ARID1B: variants seen among roughly 807,000 people sequenced by gnomAD.
ARID1B encodes AT-rich interactive domain-containing protein 1B.
A neutral mutation model predicts 212.3 loss-of-function variants in ARID1B; 30 were observed. That is an observed-to-expected ratio of 0.14 (90% CI 0.11 to 0.19). The LOEUF (loss-of-function observed/expected upper bound fraction) is 0.19, where lower values mean the gene tolerates loss of function less well. ARID1B is among the 10% of genes least tolerant of loss of function. The pLI is 1.00. For missense variants in ARID1B, 2,891 were observed against 3,204.0 expected (o/e 0.90, Z 2.36); for synonymous variants, 1,402 against 1,301.7 (o/e 1.08, Z -1.66).
At chr6:156,852,336 A>G (rs1562435211) in intron 2 of ARID1B, among the ~76,000 whole-genome samples, 1 of 152,012 alleles carries the variant, frequency 6.6e-6, no homozygotes, top group Non-Finnish European at 1.5e-5. Flanking sequence ...TGTAGTCTCA[A>G]GCTTGAGCGG....
chr6:156,873,576 G>A (rs530951929), intron 2 of ARID1B, among the ~76,000 whole-genome samples: 2 of 152,332 alleles, frequency 1.3e-5, no homozygotes, highest in African/African-American at 2.4e-5. Context: ...AATGATCTGC[G>A]TTGATGCAGT....
chr6:156,845,445 G>A (rs1158681192), intron 2 of ARID1B, among the ~76,000 whole-genome samples: 1 of 152,122 alleles, frequency 6.6e-6, no homozygotes, highest in African/African-American at 2.4e-5. Flanking sequence ...TGTAGGAAGG[G>A]TGCAGGAGAT....
chr6:157,056,773 T>C (rs1782979995), intron 4 of ARID1B, among the ~76,000 whole-genome samples: 1 of 152,196 alleles, frequency 6.6e-6, no homozygotes, highest in African/African-American at 2.4e-5. Context: ...TTTTGGAGCA[T>C]ATAAGGAGAA....
At chr6:156,829,180 G>A (rs749345746) in intron 1 of ARID1B, 47 bp from the exon 2 acceptor site, 1 of 1,513,832 alleles carries the variant, frequency 6.6e-7, no homozygotes, top group Non-Finnish European at 9.0e-7. Flanking sequence ...TTGTGCCTTT[G>A]TAATAAAGAA....
At chr6:156,972,730 C>CT (rs1470485376) in intron 4 of ARID1B, among the ~76,000 whole-genome samples, 1 of 152,156 alleles carries the variant, frequency 6.6e-6, no homozygotes, top group African/African-American at 2.4e-5. Context: ...CCAGAGAGAC[C>CT]TGCAGGACTT....
chr6:157,156,300 A>AT (rs1373224573), intron 8 of ARID1B, among the ~76,000 whole-genome samples: 1 of 152,180 alleles, frequency 6.6e-6, no homozygotes, highest in Non-Finnish European at 1.5e-5. Context: ...CCTTAAACAG[A>AT]TTTTTTATTT....
At chr6:157,067,114 A>G (rs557658536) in intron 4 of ARID1B, among the ~76,000 whole-genome samples, 56 of 152,348 alleles carry the variant, frequency 3.7e-4, no homozygotes, top group Middle Eastern at 3.4e-3. Context: ...TGCCAAGCAG[A>G]TTCCAAGACT....
At chr6:157,173,236 A>G (rs997481782) in intron 9 of ARID1B, 1 of 152,240 alleles carries the variant, frequency 6.6e-6, no homozygotes, top group Non-Finnish European at 1.5e-5. Context: ...CAGTTGTTCT[A>G]TGGTGAACCT....
intron 7 of ARID1B, among the ~76,000 whole-genome samples, chr6:157,134,903 T>C (rs1788810835): frequency 6.6e-6 from 1 of 152,164 alleles, no homozygotes; most frequent in Non-Finnish European, 1.5e-5. Flanking sequence ...CTTAAGTCCA[T>C]AAGCCCTTCC....
chr6:156,969,136 A>T (rs1239256202), intron 4 of ARID1B, among the ~76,000 whole-genome samples: 7 of 152,194 alleles, frequency 4.6e-5, no homozygotes, highest in African/African-American at 1.4e-4. Context: ...AAACAATGTG[A>T]CCTTGCAATG....
intron 4 of ARID1B, among the ~76,000 whole-genome samples, chr6:156,980,347 G>T (rs1777527879): frequency 6.6e-6 from 1 of 152,058 alleles, no homozygotes; most frequent in Non-Finnish European, 1.5e-5. Context: ...GCCGGGCGTG[G>T]TGGTGGGCGC....
intron 2 of ARID1B, among the ~76,000 whole-genome samples, chr6:156,885,165 C>G (rs1787407429): frequency 6.6e-6 from 1 of 152,048 alleles, no homozygotes; most frequent in Non-Finnish European, 1.5e-5. Flanking sequence ...AATATTTTAG[C>G]CCAGTTATCC....
In ARID1B at chr6:157,208,990, T is replaced by C. The variant is rs1794650440; in HGVS notation, c.*1099T>C. 4.3e-6 allele frequency: 1 copy of C among 230,240 alleles called. No homozygotes were observed. The highest frequency in any genetic ancestry group is 8.6e-6 in the Non-Finnish European group (1 of 116,366). The allele number at this position is 230,240 out of a possible 1,614,324, so 14.3% of individuals were successfully genotyped here. Reference sequence around the variant, plus strand: ...GAATCAAGGTGTGGAAATGGTTATATATGGATTGATTTAGAAAATGGTTAC... The same window carrying C: ...GAATCAAGGTGTGGAAATGGTTATACATGGATTGATTTAGAAAATGGTTAC... On this transcript the variant is annotated 3_prime_UTR_variant, in exon 20 of 20. Coordinates refer to ENST00000636930, the MANE Select transcript of ARID1B (RefSeq NM_001374828.1).
intron 4 of ARID1B, chr6:156,977,198 C>T: frequency 5.4e-6 from 1 of 183,702 alleles, no homozygotes; most frequent in Non-Finnish European, 1.1e-5. Flanking sequence ...GTTTTATTGA[C>T]TTTCATATCT....
intron 4 of ARID1B, among the ~76,000 whole-genome samples, chr6:156,998,685 G>A (rs989780200): frequency 2.0e-5 from 3 of 152,172 alleles, no homozygotes; most frequent in African/African-American, 4.8e-5. Flanking sequence ...GTTGTTGAGC[G>A]GGGAGCTGCG....
At chr6:156,881,093 C>A (rs374146608) in intron 2 of ARID1B, among the ~76,000 whole-genome samples, 1 of 152,244 alleles carries the variant, frequency 6.6e-6, no homozygotes, top group Non-Finnish European at 1.5e-5. Flanking sequence ...GCAGGAGTTT[C>A]GAGAGAGCCC....
intron 9 of ARID1B, chr6:157,169,631 G>A (rs1038201514): frequency 4.6e-5 from 7 of 152,296 alleles, no homozygotes; most frequent in African/African-American, 1.7e-4. Flanking sequence ...CAATACATGT[G>A]TGATTGGTTA....
intron 2 of ARID1B, among the ~76,000 whole-genome samples, chr6:156,860,552 A>C (rs1785257047): frequency 6.6e-6 from 1 of 152,140 alleles, no homozygotes; most frequent in Non-Finnish European, 1.5e-5. Context: ...TAGAACTGTA[A>C]ATTTTGATCT....
chr6:157,039,341 T>TTTTTTTTTTTTTG (rs1440507613), intron 4 of ARID1B, among the ~76,000 whole-genome samples: 1 of 138,060 alleles, frequency 7.2e-6, no homozygotes, highest in African/African-American at 2.8e-5. Flanking sequence ...TTTTTTTTTT[T>TTTTTTTTTTTTTG]GAGACGGAGT....
Sources: gnomAD v4.1 joint callset for allele counts (sites outside exome capture counted in the v4.1 genomes callset) on GRCh38, gnomAD v4.1.1 for gene constraint, MANE v1.5 for transcripts, NCBI Gene and HGNC (gene_info 2026-07-23, HGNC 2026-07-21) for gene names.